The following PPM1L variants were observed in gnomAD, a reference collection of about 807,000 sequenced individuals.
The protein encoded by PPM1L is protein phosphatase, Mg2+/Mn2+ dependent 1L, also known as protein phosphatase 1L.
PPM1L carries 13 observed loss-of-function variants against 31.4 expected under a neutral mutation model. That is an observed-to-expected ratio of 0.41 (90% CI 0.27 to 0.66). The LOEUF (loss-of-function observed/expected upper bound fraction) is 0.66. PPM1L is among the 30% of genes least tolerant of loss of function. The probability of loss-of-function intolerance (pLI) is 0.29; values close to 1 mark genes in which losing one functional copy is unlikely to be tolerated. For synonymous variants in PPM1L, 184 were observed against 175.4 expected (o/e 1.05, Z -0.39); for missense variants, 326 against 453.7 (o/e 0.72, Z 2.56).
chr3:160,933,540 C>T (rs1243538023), intron 1 of PPM1L, among the ~76,000 whole-genome samples: 1 of 152,156 alleles, frequency 6.6e-6, no homozygotes, highest in East Asian at 1.9e-4. Flanking sequence ...CATCCCCCAC[C>T]TCCCTCTCTT....
At chr3:160,900,918 A>G (rs1190047399) in intron 1 of PPM1L, among the ~76,000 whole-genome samples, 1 of 152,080 alleles carries the variant, frequency 6.6e-6, no homozygotes, top group Non-Finnish European at 1.5e-5. Flanking sequence ...ACCTTTCTTA[A>G]GCTCTCAGTA....
intron 1 of PPM1L, among the ~76,000 whole-genome samples, chr3:160,909,558 A>T (rs1349854498): frequency 1.3e-5 from 2 of 152,224 alleles, no homozygotes; most frequent in Non-Finnish European, 2.9e-5. Context: ...AAATCTGGGA[A>T]CATAAGCCTG....
chr3:160,950,861 AT>A (rs773583999), intron 1 of PPM1L, among the ~76,000 whole-genome samples: 8 of 152,220 alleles, frequency 5.3e-5, no homozygotes, highest in Non-Finnish European at 1.0e-4. Context: ...TTCAGTTAGC[AT>A]TCCACAGGGA....
chr3:160,842,086 A>G, intron 1 of PPM1L: 1 of 551,466 alleles, frequency 1.8e-6, no homozygotes, highest in Admixed American at 3.3e-5. Flanking sequence ...TGAGCCCCAG[A>G]TGAGTGGGTT....
At chr3:160,869,958 C>T (rs191367650) in intron 1 of PPM1L, among the ~76,000 whole-genome samples, 10 of 152,258 alleles carry the variant, frequency 6.6e-5, no homozygotes, top group Non-Finnish European at 1.5e-4. Flanking sequence ...ACGTGCTGCC[C>T]TCACTGCTGC....
chr3:160,776,252 A>G lies in PPM1L; in HGVS notation c.399+19545A>G, dbSNP rs1576632132. Reference sequence around the variant, plus strand: ...TGAAAATTAGAGTAACTGAGTTCTTAACAAGTAACAGCAACAGCTACTTCT... The same window carrying G: ...TGAAAATTAGAGTAACTGAGTTCTTGACAAGTAACAGCAACAGCTACTTCT... On this transcript the variant is annotated intron_variant, in intron 1 of 3. Coordinates refer to ENST00000498165, the MANE Select transcript of PPM1L (RefSeq NM_139245.4). Among the ~76,000 whole-genome samples, 3 of 152,316 alleles carry G rather than the reference A, an allele frequency of 2.0e-5. No individual in the cohort carries two copies. The South Asian group carries it at 6.2e-4, about 32-fold the overall frequency.
chr3:161,050,501 T>C (rs1294695281), intron 2 of PPM1L, among the ~76,000 whole-genome samples: 2 of 152,224 alleles, frequency 1.3e-5, no homozygotes, highest in African/African-American at 4.8e-5. Flanking sequence ...TCCTTTTTTC[T>C]TCTAATATCT....
chr3:160,878,313 C>T (rs1051701440), intron 1 of PPM1L, among the ~76,000 whole-genome samples: 1 of 152,096 alleles, frequency 6.6e-6, no homozygotes, highest in African/African-American at 2.4e-5. Flanking sequence ...GATGCTAGAA[C>T]AAAAAATCAT....
At chr3:160,978,666 T>C (rs779832801) in intron 2 of PPM1L, among the ~76,000 whole-genome samples, 27 of 151,830 alleles carry the variant, frequency 1.8e-4, no homozygotes, top group Middle Eastern at 3.4e-3. Context: ...CCCATTTCTA[T>C]AAAAATAAGA....
intron 3 of PPM1L, among the ~76,000 whole-genome samples, 167 bp from the exon 4 acceptor site, chr3:161,068,644 T>C (rs1377053264): frequency 6.6e-6 from 1 of 152,026 alleles, no homozygotes; most frequent in Non-Finnish European, 1.5e-5. Context: ...ACTGGTAGAG[T>C]ATAAAACCCC....
intron 1 of PPM1L, among the ~76,000 whole-genome samples, chr3:160,814,803 C>T (rs1712944204): frequency 6.6e-6 from 1 of 150,836 alleles, no homozygotes; most frequent in Non-Finnish European, 1.5e-5. Flanking sequence ...AAACACATAC[C>T]ATGGAATACT....
At chr3:161,038,509 C>T (rs1395593805) in intron 2 of PPM1L, among the ~76,000 whole-genome samples, 4 of 146,548 alleles carry the variant, frequency 2.7e-5, no homozygotes, top group African/African-American at 1.0e-4. Context: ...CGTGGTCTCA[C>T]TATGTTGCCC....
At chr3:160,770,985 AATTGCCCAT>A in intron 1 of PPM1L, among the ~76,000 whole-genome samples, 1 of 152,286 alleles carries the variant, frequency 6.6e-6, no homozygotes, top group South Asian at 2.1e-4. Context: ...AGATCCCTCA[AATTGCCCAT>A]AAAGAGCAGT....
rs540168091 is a variant in PPM1L at position 161,058,419 on chromosome 3, C to G, written c.575-6984C>G. Among the ~76,000 whole-genome samples, 258 of 152,138 alleles carry G rather than the reference C, an allele frequency of 1.7e-3. 3 individuals carry two copies. The highest frequency in any genetic ancestry group is 3.3e-3 in the Non-Finnish European group (222 of 67,986). On this transcript the variant is annotated intron_variant, in intron 2 of 3. Coordinates refer to ENST00000498165, the MANE Select transcript of PPM1L (RefSeq NM_139245.4). The stretch of plus-strand genomic sequence containing the variant: ...GGATTACAGGCATGAGCCACCACAC[C>G]CAGCCCATCATTTTCATTATTACTA...
At position 161,071,491 on chromosome 3, in the gene PPM1L, T is replaced by C. The variant is rs755573842; in HGVS notation, c.*2334T>C. 1.3e-5 allele frequency: 2 copies of C among 152,328 alleles called. No individual in the cohort carries two copies. The highest frequency in any genetic ancestry group is 2.4e-5 in the African/African-American group (1 of 41,574). 9.4% of individuals were successfully genotyped at this position (152,328 alleles called of 1,614,324 possible). ...ACGAGTTACATAACTTTCTCTCTAA[T>C]TGAGGTTCACAAGGCGTCTTCTAAA... On this transcript the variant is annotated 3_prime_UTR_variant, in exon 4 of 4. Transcript: ENST00000498165.
chr3:160,998,965 A>C (rs1338054401), intron 2 of PPM1L, among the ~76,000 whole-genome samples: 1 of 152,212 alleles, frequency 6.6e-6, no homozygotes, highest in Non-Finnish European at 1.5e-5. Context: ...AAAAAAGAAA[A>C]GAAAAGAAAG....
intron 1 of PPM1L, among the ~76,000 whole-genome samples, chr3:160,812,275 G>A (rs1712837385): frequency 6.6e-6 from 1 of 152,084 alleles, no homozygotes; most frequent in African/African-American, 2.4e-5. Flanking sequence ...TGCATTAATT[G>A]GGTCAAAGAG....
rs1720192039 is a variant in PPM1L at position 161,078,869 on chromosome 3, A to T, written c.*9712A>T. The T allele has an allele frequency of 6.6e-6, 1 of 152,246 alleles. No homozygotes were observed. Among genetic ancestry groups the T allele is most frequent in the East Asian group, 1.9e-4 (1 of 5,200 alleles). 9.4% of individuals were successfully genotyped at this position (152,246 alleles called of 1,614,324 possible). ...AAAAATTTACCCATGACAAGATTAA[A>T]GCAAAAATAAACACAAAGTTGTTAG... On this transcript the variant is annotated 3_prime_UTR_variant, in exon 4 of 4. Transcript: ENST00000498165.
rs147620831 is a variant in PPM1L at position 161,044,927 on chromosome 3, A to G, written c.575-20476A>G. Among the ~76,000 whole-genome samples, 689 of 152,330 alleles carry G rather than the reference A, an allele frequency of 4.5e-3. 2 individuals are homozygous for G. Among genetic ancestry groups the G allele is most frequent in the Non-Finnish European group, 8.0e-3 (546 of 68,042 alleles). ...GCTCAAAATAAAGGGATGGAGGAAG[A>G]TCTACCAAGCAAATGGAAAACAAAA... On this transcript the variant is annotated intron_variant, in intron 2 of 3. Transcript: ENST00000498165.
Sources: gnomAD v4.1 joint callset for allele counts (sites outside exome capture counted in the v4.1 genomes callset) on GRCh38, gnomAD v4.1.1 for gene constraint, MANE v1.5 for transcripts, NCBI Gene and HGNC (gene_info 2026-07-23, HGNC 2026-07-21) for gene names.